The following CSMD1 variants were observed in gnomAD, a reference collection of about 807,000 sequenced individuals.
CSMD1 encodes the protein CUB and sushi domain-containing protein 1.
A neutral mutation model predicts 417.5 loss-of-function variants in CSMD1; 213 were observed. The ratio of observed to expected loss-of-function variants is 0.51; its 90% confidence interval spans 0.46 to 0.57. The LOEUF is 0.57. Ranked by LOEUF, CSMD1 falls within the 20% of genes least tolerant of loss-of-function variation. The pLI, the probability that CSMD1 is intolerant of heterozygous loss-of-function variation, is 0.00. For synonymous variants in CSMD1, 2,862 were observed against 1,736.8 expected, an observed-to-expected ratio of 1.65 and a Z score of -16.11; for missense variants, 6,923 against 4,529.7, an observed-to-expected ratio of 1.53 and a Z score of -15.17.
At chr8:3,300,664 A>G (rs564030389) in intron 25 of CSMD1, among the ~76,000 whole-genome samples, 1 of 152,220 alleles carries the variant, frequency 6.6e-6, no homozygotes, top group African/African-American at 2.4e-5. Flanking sequence ...ACAACATGAA[A>G]AATTAGAAAT....
At chr8:3,665,661 T>C (rs920475611) in intron 7 of CSMD1, among the ~76,000 whole-genome samples, 1 of 152,166 alleles carries the variant, frequency 6.6e-6, no homozygotes, top group Non-Finnish European at 1.5e-5. Flanking sequence ...TTCCACTTAA[T>C]GGGACAAACA....
At chr8:3,686,387 A>T (rs1799946000) in intron 7 of CSMD1, among the ~76,000 whole-genome samples, 2 of 152,148 alleles carry the variant, frequency 1.3e-5, no homozygotes, top group South Asian at 4.1e-4. Flanking sequence ...CGCCACACTG[A>T]CGATGAGAGT....
intron 2 of CSMD1, among the ~76,000 whole-genome samples, chr8:4,602,628 C>A (rs140689531): frequency 1.1e-3 from 161 of 152,214 alleles, no homozygotes; most frequent in African/African-American, 3.5e-3. Context: ...AGTTTGAAGG[C>A]GTATTTTCTT....
At position 4,659,902 on chromosome 8, in the gene CSMD1, G is replaced by C. The variant is rs1039177241; in HGVS notation, c.86-22344C>G. On this transcript the variant is annotated intron_variant, in intron 1 of 69. Transcript: ENST00000635120. Reference sequence around the variant, plus strand: ...AAATCATGTCCATCAGGGAAAAAATGCATGTGACATAATTCAACACCCACT... The same window carrying C: ...AAATCATGTCCATCAGGGAAAAAATCCATGTGACATAATTCAACACCCACT... 6.6e-5 allele frequency among the ~76,000 whole-genome samples: 10 copies of C among 151,824 alleles called. No individual in the cohort carries two copies. In the East Asian group the frequency reaches 1.9e-3, roughly 29 times the overall value.
intron 11 of CSMD1, among the ~76,000 whole-genome samples, chr8:3,486,569 A>C (rs1818046372): frequency 2.0e-5 from 3 of 152,238 alleles, no homozygotes. Flanking sequence ...TACACCTGTG[A>C]TAGAACAGCC....
chr8:4,390,704 G>A (rs545063685), intron 3 of CSMD1, among the ~76,000 whole-genome samples: 90 of 151,560 alleles, frequency 5.9e-4, no homozygotes, highest in African/African-American at 1.6e-3. Flanking sequence ...CAGTAGAGAC[G>A]GGGTTTCACC....
intron 3 of CSMD1, among the ~76,000 whole-genome samples, chr8:4,260,968 A>C (rs1585116877): frequency 6.6e-6 from 1 of 152,244 alleles, no homozygotes; most frequent in East Asian, 1.9e-4. Context: ...ACTCTCATTG[A>C]CTTGCCTCTT....
intron 10 of CSMD1, among the ~76,000 whole-genome samples, chr8:3,542,493 G>C (rs1266183496): frequency 6.6e-6 from 1 of 152,198 alleles, no homozygotes; most frequent in Non-Finnish European, 1.5e-5. Flanking sequence ...CAGGGAAAAA[G>C]CAATAAATCA....
intron 1 of CSMD1, among the ~76,000 whole-genome samples, chr8:4,690,767 T>A (rs1238453955): frequency 1.3e-5 from 2 of 152,210 alleles, no homozygotes; most frequent in African/African-American, 2.4e-5. Flanking sequence ...TCTCACTCTG[T>A]CACCAGGCTG....
intron 2 of CSMD1, among the ~76,000 whole-genome samples, chr8:4,554,220 T>C (rs1307349400): frequency 6.6e-6 from 1 of 152,166 alleles, no homozygotes; most frequent in African/African-American, 2.4e-5. Context: ...CACTGCAACC[T>C]ATGCTTCCCG....
intron 3 of CSMD1, among the ~76,000 whole-genome samples, chr8:4,329,835 G>C (rs1416284475): frequency 7.1e-6 from 1 of 141,726 alleles, no homozygotes; most frequent in Non-Finnish European, 1.5e-5. Context: ...AAAAGTGTGT[G>C]GCACCACCCT....
intron 1 of CSMD1, among the ~76,000 whole-genome samples, chr8:4,885,482 C>G (rs1275160173): frequency 1.3e-5 from 2 of 151,872 alleles, no homozygotes; most frequent in African/African-American, 4.8e-5. Context: ...TCATAAATGT[C>G]CTTTATCAAG....
chr8:3,746,873 T>A (rs1212152317), intron 6 of CSMD1, among the ~76,000 whole-genome samples: 2 of 152,178 alleles, frequency 1.3e-5, no homozygotes, highest in African/African-American at 2.4e-5. Flanking sequence ...GAAATTGTCA[T>A]CACATGGCCA....
At chr8:3,152,275 A>G (rs781088827) in intron 39 of CSMD1, among the ~76,000 whole-genome samples, 2 of 152,270 alleles carry the variant, frequency 1.3e-5, no homozygotes, top group Non-Finnish European at 2.9e-5. Context: ...TGATTTTACA[A>G]CAAACATGCC....
At chr8:4,321,145 C>T (rs930833413) in intron 3 of CSMD1, among the ~76,000 whole-genome samples, 1 of 152,000 alleles carries the variant, frequency 6.6e-6, no homozygotes, top group African/African-American at 2.4e-5. Context: ...GAGTGTCAAA[C>T]CTATTTTTTA....
chr8:4,413,252 C>T (rs909152567), intron 3 of CSMD1, among the ~76,000 whole-genome samples: 1 of 152,160 alleles, frequency 6.6e-6, no homozygotes, highest in South Asian at 2.1e-4. Context: ...GCTGGCTAAG[C>T]TTTCCTTTCC....
intron 2 of CSMD1, among the ~76,000 whole-genome samples, chr8:4,441,266 T>TG (rs1398104057): frequency 1.1e-4 from 15 of 137,980 alleles, no homozygotes; most frequent in Non-Finnish European, 1.1e-4. Flanking sequence ...CTCAGTTTTT[T>TG]TTTTTTTTTT....
At chr8:3,902,224 G>A (rs1046509866) in intron 5 of CSMD1, among the ~76,000 whole-genome samples, 29 of 152,070 alleles carry the variant, frequency 1.9e-4, no homozygotes, top group African/African-American at 6.0e-4. Context: ...ATGATTTTCA[G>A]CCCATTGACC....
chr8:4,195,510 T>C (rs928150666), intron 3 of CSMD1, among the ~76,000 whole-genome samples: 3 of 152,222 alleles, frequency 2.0e-5, no homozygotes, highest in African/African-American at 4.8e-5. Flanking sequence ...CATCTCTGTA[T>C]GATCCCCTGC....
Sources: gnomAD v4.1 joint callset for allele counts (sites outside exome capture counted in the v4.1 genomes callset) on GRCh38, gnomAD v4.1.1 for gene constraint, MANE v1.5 for transcripts, NCBI Gene and HGNC (gene_info 2026-07-23, HGNC 2026-07-21) for gene names.